Variants in CYB5R4 observed in about 807,000 individuals in gnomAD.
The protein encoded by CYB5R4 is N-terminal cytochrome b5 and cytochrome b5 oxidoreductase domain-containing protein.
Under a neutral mutation model 70.2 loss-of-function variants are expected in CYB5R4, and 55 were observed. The observed-to-expected ratio is 0.78, with a 90% CI of 0.63 to 0.98. CYB5R4 has a LOEUF of 0.98. Among genes scored for constraint, CYB5R4 ranks in the 50% least tolerant of loss-of-function variants. The pLI is 0.00. For synonymous variants in CYB5R4, 197 were observed against 199.5 expected (o/e 0.99, Z 0.11); for missense variants, 562 against 612.6 (o/e 0.92, Z 0.87).
At chr6:83,873,034 T>C (rs2099457894) in intron 2 of CYB5R4, among the ~76,000 whole-genome samples, 1 of 152,168 alleles carries the variant, frequency 6.6e-6, no homozygotes, top group Non-Finnish European at 1.5e-5. Flanking sequence ...TCTAAGCCTT[T>C]ACACTTAAAC....
At position 83,960,652 on chromosome 6, in the gene CYB5R4, C is replaced by T. The variant is rs1171400095; in HGVS notation, c.*774C>T. The T allele has an allele frequency of 6.6e-6, 1 of 152,184 alleles. No individual in the cohort carries two copies. The highest frequency in any genetic ancestry group is 1.5e-5 in the Non-Finnish European group (1 of 68,030). The allele number at this position is 152,184 out of a possible 1,614,324, so 9.4% of individuals were successfully genotyped here. On this transcript the variant is annotated 3_prime_UTR_variant, in exon 16 of 16. Transcript: ENST00000369681. ...GAAAGTATAGTGTCTAGTTCCACAGCATAAAGTTATTATTTGGTGCTTTGG... is the reference window on the plus strand; with the variant it reads ...GAAAGTATAGTGTCTAGTTCCACAGTATAAAGTTATTATTTGGTGCTTTGG...
At chr6:83,947,928 C>G (rs749214649) in intron 14 of CYB5R4, among the ~76,000 whole-genome samples, 3 of 152,114 alleles carry the variant, frequency 2.0e-5, no homozygotes, top group Non-Finnish European at 4.4e-5. Flanking sequence ...GGCAGGAGTG[C>G]AAATTAGTTC....
At chr6:83,883,006 A>G (rs548793330) in intron 2 of CYB5R4, among the ~76,000 whole-genome samples, 4 of 152,164 alleles carry the variant, frequency 2.6e-5, no homozygotes, top group African/African-American at 4.8e-5. Context: ...AAGTATGGAT[A>G]TAATGAATAA....
intron 2 of CYB5R4, among the ~76,000 whole-genome samples, chr6:83,878,483 G>T (rs929654004): frequency 2.0e-5 from 3 of 152,030 alleles, no homozygotes; most frequent in Non-Finnish European, 4.4e-5. Flanking sequence ...CAGCAGCTGG[G>T]ACTACAGGCA....
intron 10 of CYB5R4, 35 bp from the exon 11 acceptor site, chr6:83,934,560 T>C (rs2099468637): frequency 1.3e-6 from 2 of 1,488,912 alleles, no homozygotes; most frequent in Admixed American, 1.8e-5. Context: ...CTTATTACTT[T>C]ATGTATCAAT....
intron 10 of CYB5R4, among the ~76,000 whole-genome samples, chr6:83,927,078 G>T (rs1006359873): frequency 6.6e-6 from 1 of 152,064 alleles, no homozygotes; most frequent in Non-Finnish European, 1.5e-5. Context: ...CGTTCTTCCT[G>T]TCTGTGTGGG....
At chr6:83,878,122 A>C (rs2099458857) in intron 2 of CYB5R4, among the ~76,000 whole-genome samples, 2 of 152,030 alleles carry the variant, frequency 1.3e-5, no homozygotes, top group Non-Finnish European at 2.9e-5. Context: ...TCTTCATTCT[A>C]ATATCATGTC....
At chr6:83,866,675 G>A (rs1001390858) in intron 2 of CYB5R4, among the ~76,000 whole-genome samples, 3 of 151,976 alleles carry the variant, frequency 2.0e-5, no homozygotes, top group African/African-American at 7.3e-5. Flanking sequence ...GAGTGCAGTG[G>A]CTTGATCTTG....
Position 83,963,209 on chromosome 6 carries a change from G to T in CYB5R4, c.*3331G>T, listed in dbSNP as rs2129147306. Reference sequence around the variant, plus strand: ...GGCTATAGAAAGAACAGAGAAATTTGTCCAAGATAAGATGATTAGGTTTTG... The same window carrying T: ...GGCTATAGAAAGAACAGAGAAATTTTTCCAAGATAAGATGATTAGGTTTTG... On this transcript the variant is annotated 3_prime_UTR_variant, in exon 16 of 16. Coordinates refer to ENST00000369681, the MANE Select transcript of CYB5R4 (RefSeq NM_016230.4). 1 of 152,296 alleles carries T rather than the reference G, an allele frequency of 6.6e-6. No homozygotes were observed. The highest frequency in any genetic ancestry group is 1.9e-4 in the East Asian group (1 of 5,184). The allele number at this position is 152,296 out of a possible 1,614,324, so 9.4% of individuals were successfully genotyped here.
intron 4 of CYB5R4, chr6:83,910,226 T>C (rs36060658): frequency 0.039 from 48,758 of 1,255,596 alleles, 1,115 homozygotes; most frequent in Middle Eastern, 0.053. Flanking sequence ...AGTTCAACTT[T>C]TGTAAAGTCA....
In CYB5R4 at chr6:83,864,866, A is replaced by G. The variant is rs1427666083; in HGVS notation, c.229+538A>G. ...GAAACTCCAAATTAAATATAAATGT[A>G]TTGGAGGAGGTGAGCAGGCAGACAA... is the stretch of plus-strand genomic sequence containing the variant. On this transcript the variant is annotated intron_variant, in intron 2 of 15. Coordinates refer to ENST00000369681, the MANE Select transcript of CYB5R4 (RefSeq NM_016230.4). Among the ~76,000 whole-genome samples, 4 of 152,280 alleles carry G rather than the reference A, an allele frequency of 2.6e-5. No homozygotes were observed. In the East Asian group the frequency reaches 7.7e-4, roughly 29 times the overall value.
At chr6:83,908,194 C>T (rs1462707611) in intron 3 of CYB5R4, among the ~76,000 whole-genome samples, 1 of 152,130 alleles carries the variant, frequency 6.6e-6, no homozygotes, top group Non-Finnish European at 1.5e-5. Flanking sequence ...GATGGTATCT[C>T]ATTGTGGTTT....
At chr6:83,861,789 A>G (rs2099455978) in intron 1 of CYB5R4, among the ~76,000 whole-genome samples, 1 of 152,214 alleles carries the variant, frequency 6.6e-6, no homozygotes, top group Non-Finnish European at 1.5e-5. Context: ...TTGTTTTTTA[A>G]TTAATCTTTC....
chr6:83,861,774 C>G (rs578171663), intron 1 of CYB5R4, among the ~76,000 whole-genome samples: 2 of 152,326 alleles, frequency 1.3e-5, no homozygotes, highest in South Asian at 4.1e-4. Flanking sequence ...AAATAATTAT[C>G]TTACTTGTTT....
chr6:83,880,333 G>A (rs1215640207), intron 2 of CYB5R4, among the ~76,000 whole-genome samples: 1 of 152,160 alleles, frequency 6.6e-6, no homozygotes, highest in Non-Finnish European at 1.5e-5. Flanking sequence ...GCCAAGAGCG[G>A]AAGGACTCAT....
At chr6:83,912,851 T>C (rs907342329) in intron 4 of CYB5R4, among the ~76,000 whole-genome samples, 2 of 152,232 alleles carry the variant, frequency 1.3e-5, no homozygotes, top group Non-Finnish European at 2.9e-5. Context: ...GTGGAAGTTC[T>C]CTTTCTACTA....
At chr6:83,860,237 A>G (rs1562823665) in intron 1 of CYB5R4, among the ~76,000 whole-genome samples, 1 of 151,980 alleles carries the variant, frequency 6.6e-6, no homozygotes, top group Non-Finnish European at 1.5e-5. Flanking sequence ...CACTGCCTGA[A>G]GGAGTTGTAC....
intron 14 of CYB5R4, among the ~76,000 whole-genome samples, chr6:83,941,003 T>C (rs1436452816): frequency 2.6e-5 from 4 of 152,152 alleles, no homozygotes; most frequent in African/African-American, 9.7e-5. Flanking sequence ...TCTAAAGCCT[T>C]TAATATGTTA....
intron 2 of CYB5R4, among the ~76,000 whole-genome samples, chr6:83,874,972 A>C (rs111825725): frequency 6.6e-6 from 1 of 151,644 alleles, no homozygotes. Context: ...ACAGGTGTGC[A>C]CCACCAAGCC....
Sources: gnomAD v4.1 joint callset for allele counts (sites outside exome capture counted in the v4.1 genomes callset) on GRCh38, gnomAD v4.1.1 for gene constraint, MANE v1.5 for transcripts, NCBI Gene and HGNC (gene_info 2026-07-23, HGNC 2026-07-21) for gene names.